CIC: variants seen among roughly 807,000 people sequenced by gnomAD.
CIC encodes the protein capicua transcriptional repressor.
A neutral mutation model predicts 115.7 loss-of-function variants in CIC; 18 were observed. That is an observed-to-expected ratio of 0.16 (90% CI 0.11 to 0.23). The LOEUF (loss-of-function observed/expected upper bound fraction) is 0.23, where lower values mean the gene tolerates loss of function less well. CIC is among the 10% of genes least tolerant of loss of function. CIC has a pLI of 1.00. For missense variants in CIC, 2,000 were observed against 2,159.3 expected (o/e 0.93, Z 1.46); for synonymous variants, 1,076 against 923.0 (o/e 1.17, Z -3.01).
At chr19:42,290,120 AG>A in intron 10 of CIC, 112 bp from the exon 11 acceptor site, 1 of 1,515,172 alleles carries the variant, frequency 6.6e-7, no homozygotes, top group Non-Finnish European at 9.1e-7. Context: ...TTCAGCTGGC[AG>A]GGGTGCAGCC....
At chr19:42,294,426 G>A in intron 19 of CIC, 122 bp downstream of exon 19, 5 of 1,560,580 alleles carry the variant, frequency 3.2e-6, no homozygotes, top group Non-Finnish European at 4.4e-6. Flanking sequence ...AGCACAGCCT[G>A]TCAGTGGTGG....
chr19:42,274,267 G>A lies in CIC; in HGVS notation c.2484G>A (p.Val828=), dbSNP rs187347569. ...VPLPSKFPGE[V]GTAGEVRAGG... is the part of the protein sequence containing the mutation. ...TGCCCTCCAAATTCCCTGGGGAGGT[G>A]GGCACTGCTGGTGAGGTGCGGGCTG... Residue 828 remains valine (V), a synonymous_variant, in exon 2 of 21, where the codon GTG becomes GTA. Coordinates refer to ENST00000681038, the MANE Select transcript of CIC (RefSeq NM_001386298.1). 5.0e-6 allele frequency: 2 copies of A among 398,840 alleles called. No individual in the cohort carries two copies. Among genetic ancestry groups the A allele is most frequent in the East Asian group, 7.1e-5 (2 of 28,076 alleles). 24.7% of individuals were successfully genotyped at this position (398,840 alleles called of 1,614,324 possible).
Position 42,291,471 on chromosome 19 carries a change from GAC to G in CIC, c.5425+6_5425+7del. On this transcript the variant is annotated splice_donor_region_variant and intron_variant, in intron 11 of 20. Coordinates refer to ENST00000681038, the MANE Select transcript of CIC (RefSeq NM_001386298.1). Reference sequence around the variant, plus strand: ...CCTCCGCCCCACCCCCCAAAGGTGAGACCTGGGCCGGGCAGCACTAGGGGAGG... The same window carrying G: ...CCTCCGCCCCACCCCCCAAAGGTGAGCTGGGCCGGGCAGCACTAGGGGAGG... The G allele has an allele frequency of 6.2e-7, 1 of 1,613,128 alleles. No individual in the cohort carries two copies. The highest frequency in any genetic ancestry group is 8.5e-7 in the Non-Finnish European group (1 of 1,179,982).
intron 2 of CIC, chr19:42,283,948 CG>C (rs2037399373): frequency 6.7e-6 from 1 of 150,236 alleles, no homozygotes; most frequent in Admixed American, 6.6e-5. Flanking sequence ...CGCGCGGCGG[CG>C]GCAGCCAATG....
At chr19:42,275,150 C>A (rs571494049) in intron 2 of CIC, among the ~76,000 whole-genome samples, 2 of 152,192 alleles carry the variant, frequency 1.3e-5, no homozygotes, top group Non-Finnish European at 2.9e-5. Flanking sequence ...TGGAGCAGCC[C>A]TCAAACCCAG....
Position 42,289,269 on chromosome 19 carries a change from G to A in CIC, c.3950G>A (p.Gly1317Asp), listed in dbSNP as rs2147233221. 1 of 1,613,776 alleles carries A rather than the reference G, an allele frequency of 6.2e-7. No homozygotes were observed. Among genetic ancestry groups the A allele is most frequent in the Non-Finnish European group, 8.5e-7 (1 of 1,180,028 alleles). The stretch of plus-strand genomic sequence containing the variant: ...CCCTTTGCAGCCCCTGGTGAGGGAG[G>A]TGCCTTGGCGGCCACTGGGCGGCCC... ...PGPFAAPGEG[G>D]ALAATGRPPL... The change falls in exon 9 of 21, where the codon GGT (glycine) becomes GAT (aspartate). Residue 1317 changes from glycine to aspartate, a missense_variant. Transcript: ENST00000681038.
At chr19:42,294,366 G>T in intron 19 of CIC, 62 bp downstream of exon 19, 1 of 1,604,298 alleles carries the variant, frequency 6.2e-7, no homozygotes, top group Non-Finnish European at 8.5e-7. Context: ...GTCTCTGGAA[G>T]GCGGTTAGAG....
intron 9 of CIC, 141 bp downstream of exon 9, chr19:42,289,547 C>T: frequency 2.0e-6 from 2 of 1,009,052 alleles, no homozygotes; most frequent in Non-Finnish European, 1.5e-6. Flanking sequence ...CAGTTCAGGC[C>T]CTGCCGAGTA....
At chr19:42,291,524 G>A (rs1469529721) in intron 11 of CIC, 34 bp from the exon 12 acceptor site, 9 of 1,612,980 alleles carry the variant, frequency 5.6e-6, no homozygotes, top group Non-Finnish European at 7.6e-6. Flanking sequence ...TGGCTCCCTT[G>A]TAACCTTTTC....
intron 19 of CIC, 78 bp downstream of exon 19, chr19:42,294,382 G>A (rs1034189038): frequency 1.9e-6 from 3 of 1,598,118 alleles, no homozygotes; most frequent in Non-Finnish European, 2.6e-6. Context: ...TAGAGAGTGA[G>A]AGAGGTAGGG....
chr19:42,284,375 G>GA (rs935549108), intron 2 of CIC: 1 of 146,512 alleles, frequency 6.8e-6, no homozygotes, highest in African/African-American at 2.5e-5. Flanking sequence ...CGCGAGGGAG[G>GA]AGGGAGAGGG....
At chr19:42,279,196 G>A (rs1281216996) in intron 2 of CIC, among the ~76,000 whole-genome samples, 1 of 152,228 alleles carries the variant, frequency 6.6e-6, no homozygotes, top group African/African-American at 2.4e-5. Flanking sequence ...TGACTCCCCA[G>A]ATCCAGATAC....
rs751637428 is a variant in CIC at position 42,294,648 on chromosome 19, G to T, written c.7099G>T (p.Val2367Leu). ...DVLGELEYDK[V>L]PYSSLRRTLD... is the part of the protein sequence containing the mutation. ...GCTTGGGGAGCTAGAGTATGACAAG[G>T]TGCCATACTCCTCCCTGCGGCGCAC... The change falls in exon 20 of 21, where the codon GTG (valine) becomes TTG (leucine). Residue 2367 changes from valine to leucine, a missense_variant. Coordinates refer to ENST00000681038, the MANE Select transcript of CIC (RefSeq NM_001386298.1). 6.2e-7 allele frequency: 1 copy of T among 1,613,742 alleles called. No homozygotes were observed. The highest frequency in any genetic ancestry group is 8.5e-7 in the Non-Finnish European group (1 of 1,179,966).
chr19:42,289,714 G>T, intron 9 of CIC, 134 bp from the exon 10 acceptor site: 1 of 833,524 alleles, frequency 1.2e-6, no homozygotes, highest in Non-Finnish European at 2.0e-6. Context: ...GCACAGCCCT[G>T]GGCTGAGGAG....
At chr19:42,283,438 T>C (rs1357699295) in intron 2 of CIC, among the ~76,000 whole-genome samples, 1 of 152,108 alleles carries the variant, frequency 6.6e-6, no homozygotes, top group East Asian at 1.9e-4. Context: ...TGTGAGGTTG[T>C]ACATCTGTGT....
intron 2 of CIC, among the ~76,000 whole-genome samples, chr19:42,275,771 C>T (rs960724956): frequency 2.0e-5 from 3 of 152,178 alleles, no homozygotes; most frequent in Admixed American, 6.5e-5. Flanking sequence ...GTCTTGGCCT[C>T]CCAAAATGCT....
At position 42,294,298 on chromosome 19, in the gene CIC, C is replaced by A; in HGVS notation, c.7048C>A (p.Arg2350Ser). The change falls in exon 19 of 21, where the codon CGT becomes AGT. Residue 2350 changes from arginine (R) to serine (S), a missense_variant. Around this residue, in one of 8 missense-constraint regions of CIC, gnomAD observed 99 missense variants for 217.6 expected, o/e 0.45. Coordinates refer to ENST00000681038, the MANE Select transcript of CIC (RefSeq NM_001386298.1). ...CGAGGGGGACATCTTCACCTTTGAC[C>A]GTACAGGTGCCGTGGTGGGCAGAAC... ...KCEGDIFTFD[R>S]TGTEAEDVLG... 1 of 1,613,128 alleles carries A rather than the reference C, an allele frequency of 6.2e-7. No homozygotes were observed. The highest frequency in any genetic ancestry group is 8.5e-7 in the Non-Finnish European group (1 of 1,180,016).
intron 2 of CIC, among the ~76,000 whole-genome samples, chr19:42,278,875 A>G (rs771909044): frequency 3.3e-5 from 5 of 152,194 alleles, no homozygotes; most frequent in Non-Finnish European, 7.4e-5. Flanking sequence ...CTGCAGACCC[A>G]TCCACCATCC....
intron 2 of CIC, among the ~76,000 whole-genome samples, chr19:42,286,155 C>T (rs931252293): frequency 7.9e-5 from 12 of 152,254 alleles, no homozygotes; most frequent in African/African-American, 2.9e-4. Context: ...CACCTGTGCC[C>T]AGCCAGGAAG....
Sources: allele counts gnomAD v4.1 joint callset (sites outside exome capture counted in the v4.1 genomes callset), GRCh38; gene constraint gnomAD v4.1.1; regional missense constraint gnomAD v4.1.1; transcripts MANE v1.5; gene names NCBI Gene and HGNC (gene_info 2026-07-23, HGNC 2026-07-21).